The following ERAP2 variants were observed in gnomAD, a reference collection of about 807,000 sequenced individuals.
ERAP2 encodes leukocyte-derived arginine aminopeptidase.
In ERAP2, 118 loss-of-function variants were observed where a neutral mutation model predicts 111.1. That is an observed-to-expected ratio of 1.06 (90% CI 0.92 to 1.24). The LOEUF (loss-of-function observed/expected upper bound fraction) is 1.24. Ranked by LOEUF, ERAP2 falls within the 50% of genes most tolerant of loss-of-function variation. ERAP2 has a pLI of 0.00. For synonymous variants in ERAP2, 410 were observed against 401.2 expected (o/e 1.02, Z -0.26); for missense variants, 1,131 against 1,125.8 (o/e 1.00, Z -0.07).
intron 15 of ERAP2, among the ~76,000 whole-genome samples, chr5:96,910,911 A>T (rs532909095): frequency 6.6e-6 from 1 of 152,218 alleles, no homozygotes; most frequent in African/African-American, 2.4e-5. Flanking sequence ...GAACAAAACA[A>T]CCATGTGGCC....
At position 96,901,666 on chromosome 5, in the gene ERAP2, G is replaced by A. The variant is rs1220137966; in HGVS notation, c.1733G>A (p.Arg578Lys). 1 of 1,613,862 alleles carries A rather than the reference G, an allele frequency of 6.2e-7. No homozygotes were observed. The highest frequency in any genetic ancestry group is 1.7e-5 in the Admixed American group (1 of 59,976). Reference sequence around the variant, plus strand: ...GTTTTCCAGGAAGACCCTGAATGGAGGGCCCTGCAGGAGAGGTGGCTGCTT... The same window carrying A: ...GTTTTCCAGGAAGACCCTGAATGGAAGGCCCTGCAGGAGAGGTGGCTGCTT... The part of the protein sequence containing the change: ...QGVFQEDPEW[R>K]ALQERYLWHI... Residue 578 changes from arginine to lysine, a missense_variant, in exon 11 of 19, where the codon AGG (arginine) becomes AAG (lysine). By Grantham distance (26) the Arg-to-Lys change is conservative. Around this residue, in one of 3 missense-constraint regions of ERAP2, gnomAD observed 847 missense variants for 856.5 expected, o/e 0.99. Transcript: ENST00000437043.
chr5:96,891,369 G>GTATATATATATGTGTGTGTATATATATA (rs553924596), intron 5 of ERAP2, among the ~76,000 whole-genome samples: 4 of 34,354 alleles, frequency 1.2e-4, no homozygotes, highest in Non-Finnish European at 2.7e-4. Flanking sequence ...ATATATATAT[G>GTATATATATATGTGTGTGTATATATATA]TGTATATATA....
At chr5:96,891,201 TA>T (rs1784309918) in intron 5 of ERAP2, among the ~76,000 whole-genome samples, 2 of 152,222 alleles carry the variant, frequency 1.3e-5, no homozygotes, top group South Asian at 4.1e-4. Context: ...TTCAAACTTT[TA>T]AAAAATTATC....
At chr5:96,882,184 A>C (rs1783206327) in intron 2 of ERAP2, among the ~76,000 whole-genome samples, 1 of 152,220 alleles carries the variant, frequency 6.6e-6, no homozygotes, top group East Asian at 1.9e-4. Context: ...ATTGGATAGG[A>C]AAAGTGTCAA....
chr5:96,884,012 G>A (rs1010180772), intron 3 of ERAP2, 82 bp downstream of exon 3: 1 of 1,315,082 alleles, frequency 7.6e-7, no homozygotes, highest in Non-Finnish European at 1.0e-6. Flanking sequence ...TTGCTTTCAG[G>A]ATTTCAGCCA....
intron 4 of ERAP2, 59 bp from the exon 5 acceptor site, chr5:96,889,126 G>A: frequency 1.2e-6 from 2 of 1,603,720 alleles, no homozygotes; most frequent in South Asian, 2.2e-5. Flanking sequence ...GGGTTATCAG[G>A]AATGGAATTA....
At chr5:96,906,769 C>T (rs1268156021) in intron 13 of ERAP2, among the ~76,000 whole-genome samples, 3 of 152,208 alleles carry the variant, frequency 2.0e-5, no homozygotes, top group African/African-American at 7.2e-5. Context: ...CAGTGGCTCA[C>T]GCCTGTAATC....
intron 9 of ERAP2, 110 bp from the exon 10 acceptor site, chr5:96,900,011 G>C: frequency 7.9e-7 from 1 of 1,270,254 alleles, no homozygotes; most frequent in Non-Finnish European, 1.1e-6. Flanking sequence ...ATGTCTGGAT[G>C]AATTATTTCA....
chr5:96,906,133 A>G (rs976546095), intron 13 of ERAP2, among the ~76,000 whole-genome samples: 2 of 152,044 alleles, frequency 1.3e-5, no homozygotes, highest in South Asian at 2.1e-4. Flanking sequence ...AGACATTGTC[A>G]TCCAAGGGCT....
Position 96,900,192 on chromosome 5 carries a change from A to G in ERAP2, c.1572+3A>G, listed in dbSNP as rs2248374. 836,993 of 1,612,670 alleles carry G rather than the reference A, an allele frequency of 0.52. 218,571 individuals carry two copies. The highest frequency in any genetic ancestry group is 0.61 in the Admixed American group (36,558 of 59,958). On this transcript the variant is annotated splice_donor_region_variant and intron_variant, in intron 10 of 18. Transcript: ENST00000437043. Reference sequence around the variant, plus strand: ...ATCCCAAGATGACAAGTAACATGGTAAGGATAAAGAGAGTCACAGAGTAGA... The same window carrying G: ...ATCCCAAGATGACAAGTAACATGGTGAGGATAAAGAGAGTCACAGAGTAGA...
In ERAP2 at chr5:96,903,442, A is replaced by T; in HGVS notation, c.1894A>T (p.Ile632Phe). 1 of 1,614,002 alleles carries T rather than the reference A, an allele frequency of 6.2e-7. No homozygotes were observed. The change falls in exon 13 of 19, where the codon ATC (isoleucine) becomes TTC (phenylalanine). Residue 632 changes from isoleucine (I) to phenylalanine (F), a missense_variant. Physicochemically the swap from Ile to Phe is conservative, Grantham distance 21. This residue lies in a region of ERAP2 where 847 missense variants were observed against 856.5 expected (regional missense o/e 0.99). Coordinates refer to ENST00000437043, the MANE Select transcript of ERAP2 (RefSeq NM_022350.5). ...TAATGTGGACTCAAATGGTTACTAC[A>T]TCGTTCACTATGAGGGTCATGGATG... ...KFNVDSNGYY[I>F]VHYEGHGWDQ...
intron 5 of ERAP2, among the ~76,000 whole-genome samples, chr5:96,891,526 C>T (rs1226855860): frequency 5.4e-5 from 2 of 36,952 alleles, no homozygotes; most frequent in African/African-American, 1.2e-4. Flanking sequence ...TGCCCATATA[C>T]GGTATATATA....
chr5:96,877,263 C>T (rs1782629389), intron 1 of ERAP2, among the ~76,000 whole-genome samples: 6 of 152,238 alleles, frequency 3.9e-5, no homozygotes, highest in Admixed American at 3.9e-4. Flanking sequence ...ACCTGAGTCA[C>T]TGTGCCCGGT....
At chr5:96,887,065 T>C (rs1039299062) in intron 4 of ERAP2, among the ~76,000 whole-genome samples, 1 of 128,090 alleles carries the variant, frequency 7.8e-6, no homozygotes, top group Non-Finnish European at 1.7e-5. Flanking sequence ...GTAAAGGTAA[T>C]TTTCAAAGTA....
intron 8 of ERAP2, 109 bp from the exon 9 acceptor site, chr5:96,896,623 C>T (rs1784883459): frequency 7.0e-7 from 1 of 1,436,422 alleles, no homozygotes; most frequent in South Asian, 1.4e-5. Context: ...TTTATTTGTT[C>T]ACTTTTCAGA....
chr5:96,913,522 G>A, intron 17 of ERAP2, 65 bp downstream of exon 17: 1 of 1,547,390 alleles, frequency 6.5e-7, no homozygotes, highest in South Asian at 1.1e-5. Context: ...CTCAAACCAA[G>A]TGTAATCAAA....
At chr5:96,915,630 T>C (rs1302976982) in intron 17 of ERAP2, 58 bp from the exon 18 acceptor site, 76 of 984,692 alleles carry the variant, frequency 7.7e-5, no homozygotes, top group Non-Finnish European at 1.0e-4. Flanking sequence ...ATACATGATA[T>C]AATAAACATA....
intron 9 of ERAP2, among the ~76,000 whole-genome samples, chr5:96,899,168 T>C (rs193993): frequency 0.54 from 82,318 of 152,038 alleles, 22,358 homozygotes; most frequent in Admixed American, 0.59. Flanking sequence ...AGAAAACTGA[T>C]ACTAAGGGAC....
intron 16 of ERAP2, 62 bp downstream of exon 16, chr5:96,912,860 T>G: frequency 1.4e-6 from 2 of 1,396,562 alleles, no homozygotes; most frequent in Non-Finnish European, 2.0e-6. Context: ...GTGAAGTCAC[T>G]AAAACTTCAG....
Sources: gnomAD v4.1 joint callset for allele counts (sites outside exome capture counted in the v4.1 genomes callset) on GRCh38, gnomAD v4.1.1 for gene constraint, gnomAD v4.1.1 regional missense constraint, MANE v1.5 for transcripts, NCBI Gene and HGNC (gene_info 2026-07-23, HGNC 2026-07-21) for gene names.